The following TENM4 variants were observed in gnomAD, a reference collection of about 807,000 sequenced individuals.
TENM4 encodes the protein teneurin-4.
Under a neutral mutation model 243.3 loss-of-function variants are expected in TENM4, and 82 were observed. The ratio of observed to expected loss-of-function variants is 0.34; its 90% CI spans 0.28 to 0.40. The LOEUF is 0.40. Among genes scored for constraint, TENM4 ranks in the 10% least tolerant of loss-of-function variants. The pLI is 1.00. For synonymous variants in TENM4, 1,412 were observed against 1,456.3 expected (o/e 0.97, Z 0.69); for missense variants, 3,138 against 3,673.3 (o/e 0.85, Z 3.77).
At chr11:78,851,693 G>A (rs1366248044) in intron 12 of TENM4, among the ~76,000 whole-genome samples, 2 of 152,050 alleles carry the variant, frequency 1.3e-5, no homozygotes, top group Admixed American at 6.5e-5. Context: ...CTAAACTGTC[G>A]TCATCCTATC....
At chr11:79,262,732 G>A (rs951694717) in intron 2 of TENM4, among the ~76,000 whole-genome samples, 7 of 152,148 alleles carry the variant, frequency 4.6e-5, no homozygotes, top group Non-Finnish European at 7.3e-5. Flanking sequence ...GTCAAATCCC[G>A]GCTAAGCCTT....
At chr11:79,409,818 C>T (rs750389661) in intron 1 of TENM4, among the ~76,000 whole-genome samples, 1 of 152,180 alleles carries the variant, frequency 6.6e-6, no homozygotes, top group Non-Finnish European at 1.5e-5. Flanking sequence ...TGGATACATA[C>T]CCCAGCTTTC....
At chr11:78,687,943 C>A in intron 29 of TENM4, 111 bp downstream of exon 29, 2 of 1,309,310 alleles carry the variant, frequency 1.5e-6, no homozygotes, top group Non-Finnish European at 2.1e-6. Context: ...AGTTGCAATG[C>A]TTTCCTGTTC....
intron 4 of TENM4, among the ~76,000 whole-genome samples, chr11:79,084,942 T>A (rs1860769837): frequency 6.6e-6 from 1 of 152,180 alleles, no homozygotes; most frequent in South Asian, 2.1e-4. Flanking sequence ...CCTGCTTGTG[T>A]TATCTGTTCT....
At chr11:78,719,698 A>T (rs1235901951) in intron 25 of TENM4, among the ~76,000 whole-genome samples, 4 of 152,222 alleles carry the variant, frequency 2.6e-5, no homozygotes, top group Non-Finnish European at 5.9e-5. Context: ...ACTGCTATCC[A>T]GGAGTCAGGT....
intron 6 of TENM4, among the ~76,000 whole-genome samples, chr11:78,931,100 C>T (rs369672381): frequency 1.3e-5 from 2 of 152,156 alleles, no homozygotes; most frequent in Non-Finnish European, 2.9e-5. Context: ...GTTAACTCTC[C>T]CTTTTAGGTA....
chr11:79,203,453 T>G (rs931175230), intron 3 of TENM4, among the ~76,000 whole-genome samples: 1 of 152,240 alleles, frequency 6.6e-6, no homozygotes, highest in Non-Finnish European at 1.5e-5. Context: ...AGAGGATACA[T>G]TCCAAGGTCC....
At chr11:78,879,022 T>C (rs897930315) in intron 9 of TENM4, among the ~76,000 whole-genome samples, 5 of 152,160 alleles carry the variant, frequency 3.3e-5, no homozygotes, top group Admixed American at 6.5e-5. Flanking sequence ...ATCTGGGATG[T>C]GAGGAGCGTC....
At chr11:79,218,246 C>A (rs1187379255) in intron 2 of TENM4, among the ~76,000 whole-genome samples, 1 of 136,242 alleles carries the variant, frequency 7.3e-6, no homozygotes, top group Non-Finnish European at 1.6e-5. Flanking sequence ...CCACCCCCGA[C>A]ACACACAACC....
chr11:79,082,987 A>C (rs1860712254), intron 4 of TENM4, among the ~76,000 whole-genome samples: 1 of 152,168 alleles, frequency 6.6e-6, no homozygotes, highest in Non-Finnish European at 1.5e-5. Flanking sequence ...AGAACTGGAG[A>C]CAGATAAAGG....
intron 12 of TENM4, among the ~76,000 whole-genome samples, chr11:78,825,469 A>T (rs1005752577): frequency 3.3e-5 from 5 of 152,182 alleles, no homozygotes; most frequent in African/African-American, 1.2e-4. Context: ...TTCCAATTTA[A>T]TAGGTCTGGG....
At chr11:78,773,403 A>G (rs1432533696) in intron 17 of TENM4, among the ~76,000 whole-genome samples, 1 of 152,132 alleles carries the variant, frequency 6.6e-6, no homozygotes, top group Non-Finnish European at 1.5e-5. Context: ...ATGATGCACA[A>G]AGCCTGGCAT....
At chr11:78,776,739 C>T (rs544784187) in intron 17 of TENM4, among the ~76,000 whole-genome samples, 2 of 152,234 alleles carry the variant, frequency 1.3e-5, no homozygotes, top group African/African-American at 4.8e-5. Flanking sequence ...TGACCTAATC[C>T]AACTAAAGTT....
rs1856325982 is a variant in TENM4 at position 78,756,988 on chromosome 11, C to G, written c.2573G>C (p.Cys858Ser). Residue 858 changes from cysteine (C) to serine (S), a missense_variant, in exon 19 of 34, where the codon TGC becomes TCC. Physicochemically the swap from Cys to Ser is moderately radical, Grantham distance 112 (BLOSUM62 -1). Transcript: ENST00000278550. Reference sequence around the variant, plus strand: ...GTTGATATGGCACAGGGGCTGGAGGCAGCAGTCAGGGTCCATGCAGTCCAC... The same window carrying G: ...GTTGATATGGCACAGGGGCTGGAGGGAGCAGTCAGGGTCCATGCAGTCCAC... ...GLVDCMDPDC[C>S]LQPLCHINPL... The G allele has an allele frequency of 6.2e-7, 1 of 1,613,844 alleles. No individual in the cohort carries two copies. The highest frequency in any genetic ancestry group is 8.5e-7 in the Non-Finnish European group (1 of 1,179,880).
intron 16 of TENM4, among the ~76,000 whole-genome samples, chr11:78,781,554 T>C (rs1856837985): frequency 6.6e-6 from 1 of 152,208 alleles, no homozygotes; most frequent in Non-Finnish European, 1.5e-5. Flanking sequence ...GACTTGCCTC[T>C]ACCAACAGAG....
chr11:79,337,797 G>A (rs2135455475), intron 1 of TENM4, among the ~76,000 whole-genome samples: 1 of 152,314 alleles, frequency 6.6e-6, no homozygotes, highest in South Asian at 2.1e-4. Flanking sequence ...CCTTGCCAGA[G>A]TGGGTTTCTG....
chr11:78,854,826 T>C (rs904278014), intron 11 of TENM4, among the ~76,000 whole-genome samples: 1 of 152,222 alleles, frequency 6.6e-6, no homozygotes. Context: ...CTATTTTCCT[T>C]TGGTCAATGG....
chr11:79,132,345 C>CAAAA lies in TENM4; in HGVS notation c.-66+16361_-66+16364dup, dbSNP rs569082783. On this transcript the variant is annotated intron_variant, in intron 4 of 33. Coordinates refer to ENST00000278550, the MANE Select transcript of TENM4 (RefSeq NM_001098816.3). ...TGGGAGAAAGAGCAAGACTCCAACTCAAAAAAAAAAAAAAAAAGAGAAATG... is the reference window on the plus strand; with the variant it reads ...TGGGAGAAAGAGCAAGACTCCAACTCAAAAAAAAAAAAAAAAAAAAAGAGAAATG... 3.4e-3 allele frequency among the ~76,000 whole-genome samples: 168 copies of CAAAA among 49,948 alleles called. 9 individuals carry two copies. The highest frequency in any genetic ancestry group is 0.018 in the Middle Eastern group (1 of 56). 32.8% of individuals were successfully genotyped at this position (49,948 alleles called of 152,430 possible).
intron 17 of TENM4, among the ~76,000 whole-genome samples, chr11:78,775,604 G>A (rs888034111): frequency 6.6e-6 from 1 of 152,144 alleles, no homozygotes; most frequent in African/African-American, 2.4e-5. Context: ...ACCCCCATTA[G>A]CCAGCATGAG....
Sources: gnomAD v4.1 joint callset for allele counts (sites outside exome capture counted in the v4.1 genomes callset) on GRCh38, gnomAD v4.1.1 for gene constraint, MANE v1.5 for transcripts, NCBI Gene and HGNC (gene_info 2026-07-23, HGNC 2026-07-21) for gene names.